The following RBM45 variants were observed in gnomAD, a reference collection of about 807,000 sequenced individuals.
RBM45 encodes the protein RNA binding motif protein 45.
A neutral mutation model predicts 58.5 loss-of-function variants in RBM45; 39 were observed. The ratio of observed to expected loss-of-function variants is 0.67; its 90% CI spans 0.52 to 0.87. The LOEUF is 0.87. Ranked by LOEUF, RBM45 falls within the 40% of genes least tolerant of loss-of-function variation. The pLI is 0.00. For synonymous variants in RBM45, 193 were observed against 203.0 expected, an observed-to-expected ratio of 0.95 and a Z score of 0.42; for missense variants, 481 against 581.6, an observed-to-expected ratio of 0.83 and a Z score of 1.78.
At chr2:178,132,824 G>A (rs547147502), downstream of RBM45, among the ~76,000 whole-genome samples, 1 of 152,158 alleles carries the variant, frequency 6.6e-6, no homozygotes, top group Non-Finnish European at 1.5e-5. Flanking sequence ...CTGACCTCAG[G>A]TGACCTGCCC....
At chr2:178,128,504 C>T (rs1377699467) in intron 9 of RBM45, among the ~76,000 whole-genome samples, 1 of 152,112 alleles carries the variant, frequency 6.6e-6, no homozygotes, top group African/African-American at 2.4e-5. Flanking sequence ...ATAAAACTAC[C>T]TTGTGGCCAG....
At chr2:178,121,434 ACACAC>A (rs2105904346) in intron 5 of RBM45, 75 bp downstream of exon 5, 1 of 759,004 alleles carries the variant, frequency 1.3e-6, no homozygotes, top group African/African-American at 1.8e-5. Context: ...ACACACACAC[ACACAC>A]ACACAGAGTT....
rs923673497 is a variant in RBM45, at chr2:178,112,633, C to T, written c.87C>T (p.Phe29=). ...ACGAACCGCCCAACAGCCGCATCTT[C>T]CTTGTGATCAGCAAGTACACACCTG... is the stretch of plus-strand genomic sequence containing the variant. The part of the protein sequence containing the change: ...SLDEPPNSRI[F]LVISKYTPES... Residue 29 remains phenylalanine, a synonymous_variant, in exon 1 of 10, where the codon TTC becomes TTT. Transcript: ENST00000286070. 1 of 1,614,096 alleles carries T rather than the reference C, an allele frequency of 6.2e-7. No homozygotes were observed. The highest frequency in any genetic ancestry group is 1.3e-5 in the African/African-American group (1 of 74,956).
chr2:178,119,299 A>C (rs553657518), intron 3 of RBM45, among the ~76,000 whole-genome samples: 1 of 152,354 alleles, frequency 6.6e-6, no homozygotes, highest in Admixed American at 6.5e-5. Flanking sequence ...TGAGCATGGC[A>C]ACACATGCCG....
chr2:178,112,469 C>T lies in RBM45; in HGVS notation c.-78C>T. 7.3e-7 allele frequency: 1 copy of T among 1,378,484 alleles called. No individual in the cohort carries two copies. Among genetic ancestry groups the T allele is most frequent in the Non-Finnish European group, 1.0e-6 (1 of 995,288 alleles). The allele number at this position is 1,378,484 out of a possible 1,614,324, so 85.4% of individuals were successfully genotyped here. On this transcript the variant is annotated 5_prime_UTR_variant, in exon 1 of 10. Coordinates refer to ENST00000286070, the MANE Select transcript of RBM45 (RefSeq NM_152945.4). ...AAGCGGAGCACCGAGCCGGCAAAGG[C>T]TTGGGTGTGAGACAGCAGCGGTGGC...
intron 2 of RBM45, among the ~76,000 whole-genome samples, chr2:178,117,628 T>C (rs1300574916): frequency 6.6e-6 from 1 of 152,228 alleles, no homozygotes; most frequent in Non-Finnish European, 1.5e-5. Flanking sequence ...CATGTTTTAC[T>C]TCAGTTAACC....
intron 5 of RBM45, 150 bp from the exon 6 acceptor site, chr2:178,123,372 G>A (rs1196387680): frequency 1.5e-6 from 1 of 688,526 alleles, no homozygotes; most frequent in East Asian, 3.1e-5. Context: ...CATGATAACA[G>A]AACTGTGTTT....
rs111740883 is a variant in RBM45 at position 178,123,571 on chromosome 2, A to G, written c.903A>G (p.Lys301=). ...ATGTAGCATCAGCTATTTATGCAAA[A>G]TACAAATTACATGGATTTCAGTACC... ...YFNVASAIYA[K]YKLHGFQYPP... The change falls in exon 6 of 10, where the codon AAA becomes AAG. Residue 301 remains lysine (K), a synonymous_variant. Transcript: ENST00000286070. 376 of 1,608,156 alleles carry G rather than the reference A, an allele frequency of 2.3e-4. No individual in the cohort carries two copies. In the African/African-American group the frequency reaches 4.3e-3, roughly 18 times the overall value.
At chr2:178,128,162 T>C (rs567802292) in intron 9 of RBM45, among the ~76,000 whole-genome samples, 2 of 151,966 alleles carry the variant, frequency 1.3e-5, no homozygotes, top group Non-Finnish European at 2.9e-5. Flanking sequence ...TGTGCCACCA[T>C]GCCCAGGTAA....
intron 1 of RBM45, 125 bp from the exon 2 acceptor site, chr2:178,116,137 T>C: frequency 8.0e-7 from 1 of 1,255,186 alleles, no homozygotes; most frequent in Non-Finnish European, 1.1e-6. Context: ...GCTTTTTTTT[T>C]TCTTTGAGAC....
chr2:178,127,994 C>CTTT lies in RBM45; in HGVS notation c.*9-1377_*9-1375dup, dbSNP rs3067447. ...CTGTGACTGGGCTGGTCTCTACGCC[C>CTTT]TTTTTTTTTTTTTTTTTTTTTTTTT... is the stretch of plus-strand genomic sequence containing the variant. On this transcript the variant is annotated intron_variant, in intron 9 of 9. Transcript: ENST00000286070. 8.0e-3 allele frequency among the ~76,000 whole-genome samples: 580 copies of CTTT among 72,526 alleles called. 76 individuals are homozygous for CTTT. The highest frequency in any genetic ancestry group is 0.012 in the East Asian group (27 of 2,242). 47.6% of individuals were successfully genotyped at this position (72,526 alleles called of 152,430 possible).
At chr2:178,117,944 C>T in intron 2 of RBM45, 111 bp from the exon 3 acceptor site, 1 of 743,678 alleles carries the variant, frequency 1.3e-6, no homozygotes, top group Non-Finnish European at 2.1e-6. Flanking sequence ...TTTTATACTG[C>T]CTATTTCTTT....
chr2:178,137,642 A>G (rs1195268938), exon 4 of RBM45: 1 of 152,226 alleles, frequency 6.6e-6, no homozygotes, highest in Non-Finnish European at 1.5e-5. Flanking sequence ...AAAACAAGCA[A>G]AACATATCTT....
At chr2:178,124,874 G>A (rs1009451708) in intron 8 of RBM45, among the ~76,000 whole-genome samples, 2 of 152,116 alleles carry the variant, frequency 1.3e-5, no homozygotes, top group African/African-American at 4.8e-5. Context: ...GGATCCTTAA[G>A]GGTTATGCAG....
intron 2 of RBM45, 102 bp downstream of exon 2, chr2:178,116,486 G>T: frequency 1.1e-6 from 1 of 930,908 alleles, no homozygotes. Flanking sequence ...CAATAGAGTA[G>T]TCTTGGGGAA....
intron 7 of RBM45, 49 bp from the exon 8 acceptor site, chr2:178,124,078 A>T (rs184953512): frequency 3.2e-4 from 502 of 1,557,382 alleles, no homozygotes; most frequent in South Asian, 3.3e-4. Flanking sequence ...TTGGCCAAAA[A>T]TCCCTAAAGG....
intron 3 of RBM45, among the ~76,000 whole-genome samples, chr2:178,118,884 T>C (rs558170319): frequency 1.3e-5 from 2 of 152,318 alleles, no homozygotes; most frequent in African/African-American, 2.4e-5. Flanking sequence ...CTAAGGTACA[T>C]ACCCAGATTT....
chr2:178,127,978 G>T (rs1326480092), intron 9 of RBM45, among the ~76,000 whole-genome samples: 1 of 148,678 alleles, frequency 6.7e-6, no homozygotes, highest in Non-Finnish European at 1.5e-5. Flanking sequence ...ACTGTGACTG[G>T]GCTGGTCTCT....
chr2:178,121,298 T>G lies in RBM45; in HGVS notation c.792T>G (p.Ile264Met). Residue 264 changes from isoleucine (I) to methionine (M), a missense_variant, in exon 5 of 10, where the codon ATT becomes ATG. By Grantham distance (10) the Ile-to-Met change is conservative. Coordinates refer to ENST00000286070, the MANE Select transcript of RBM45 (RefSeq NM_152945.4). ...TCACTGAAGAACAGCTTTTCAGCAT[T>G]TTTGATATAGTACCAGGATTGGAAT... ...VPFTEEQLFS[I>M]FDIVPGLEYC... 6.2e-7 allele frequency: 1 copy of G among 1,606,940 alleles called. No homozygotes were observed. Among genetic ancestry groups the G allele is most frequent in the Non-Finnish European group, 8.5e-7 (1 of 1,176,766 alleles).
Sources: allele counts gnomAD v4.1 joint callset (sites outside exome capture counted in the v4.1 genomes callset), GRCh38; gene constraint gnomAD v4.1.1; transcripts MANE v1.5; gene names NCBI Gene and HGNC (gene_info 2026-07-23, HGNC 2026-07-21).